The following GALNT13 variants were observed in gnomAD, a reference collection of about 807,000 sequenced individuals.
GALNT13 encodes the protein UDP-GalNAc:polypeptide N-acetylgalactosaminyltransferase 13.
Under a neutral mutation model 64.2 loss-of-function variants are expected in GALNT13, and 28 were observed. The observed-to-expected ratio is 0.44, with a 90% CI of 0.32 to 0.60. The LOEUF (loss-of-function observed/expected upper bound fraction) is 0.60. GALNT13 is among the 20% of genes least tolerant of loss of function. The pLI is 0.05. For synonymous variants in GALNT13, 214 were observed against 224.6 expected, an observed-to-expected ratio of 0.95 and a Z score of 0.42; for missense variants, 577 against 669.8, an observed-to-expected ratio of 0.86 and a Z score of 1.53.
chr2:153,546,827 T>A, the GALNT13 span, among the ~76,000 whole-genome samples: 1 of 152,228 alleles, frequency 6.6e-6, no homozygotes, highest in Non-Finnish European at 1.5e-5. Flanking sequence ...TTTTCCTAAG[T>A]CTTTTTGAAT....
chr2:153,166,319 T>C, the GALNT13 span, among the ~76,000 whole-genome samples: 2 of 152,198 alleles, frequency 1.3e-5, no homozygotes, highest in Non-Finnish European at 1.5e-5. Context: ...GGTTCTATCA[T>C]CCTGGCAGTA....
chr2:154,346,341 T>TGAA (rs1181940634), intron 9 of GALNT13, among the ~76,000 whole-genome samples: 4 of 152,078 alleles, frequency 2.6e-5, no homozygotes, highest in African/African-American at 9.7e-5. Context: ...TCTCACAGAC[T>TGAA]GAACCTTCTT....
At chr2:153,700,032 C>A in the GALNT13 span, among the ~76,000 whole-genome samples, 1 of 152,080 alleles carries the variant, frequency 6.6e-6, no homozygotes, top group Non-Finnish European at 1.5e-5. Flanking sequence ...GGCAGAGACA[C>A]AACAAAAAAC....
At chr2:153,850,168 G>C in the GALNT13 span, among the ~76,000 whole-genome samples, 2 of 129,836 alleles carry the variant, frequency 1.5e-5, no homozygotes, top group Non-Finnish European at 3.3e-5. Context: ...GACAGAGCGA[G>C]ACTCCGTCTA....
intron 4 of GALNT13, among the ~76,000 whole-genome samples, chr2:154,151,868 T>A (rs1198139514): frequency 6.6e-6 from 1 of 152,132 alleles, no homozygotes; most frequent in Non-Finnish European, 1.5e-5. Flanking sequence ...CACTGATGGG[T>A]CTTGACTCTT....
chr2:153,794,780 A>G, the GALNT13 span, among the ~76,000 whole-genome samples: 2 of 152,148 alleles, frequency 1.3e-5, no homozygotes, highest in Non-Finnish European at 2.9e-5. Flanking sequence ...TGGCCTCCCA[A>G]AGTGCTGGGA....
intron 3 of GALNT13, among the ~76,000 whole-genome samples, chr2:154,019,732 G>C (rs1357347605): frequency 8.0e-5 from 12 of 150,756 alleles, no homozygotes; most frequent in Admixed American, 7.3e-4. Flanking sequence ...TTAAGTTTTA[G>C]AGTACATGTG....
chr2:153,623,972 A>T, the GALNT13 span, among the ~76,000 whole-genome samples: 1 of 152,186 alleles, frequency 6.6e-6, no homozygotes, highest in South Asian at 2.1e-4. Flanking sequence ...TTGTTTAGAA[A>T]AGCACCTTCT....
intron 1 of GALNT13, among the ~76,000 whole-genome samples, chr2:153,881,141 C>T (rs112949160): frequency 0.015 from 2,224 of 152,262 alleles, 29 homozygotes; most frequent in African/African-American, 0.021. Context: ...TGCTTGGGCC[C>T]TGTGGTCAGT....
rs78519239 is a variant in GALNT13, at chr2:153,884,092, T to C, written c.-177+11789T>C. 6.0e-3 allele frequency among the ~76,000 whole-genome samples: 909 copies of C among 152,070 alleles called. 13 individuals carry two copies. Among genetic ancestry groups the C allele is most frequent in the African/African-American group, 0.02 (847 of 41,516 alleles). On this transcript the variant is annotated intron_variant, in intron 1 of 12. Transcript: ENST00000392825. ...TCACAAAATAGGAGTCAAGAGATAG[T>C]GTCTATAGTTAATATAAGAAATAGC...
At chr2:154,118,098 G>C (rs1681706347) in intron 3 of GALNT13, among the ~76,000 whole-genome samples, 2 of 152,080 alleles carry the variant, frequency 1.3e-5, no homozygotes, top group South Asian at 2.1e-4. Flanking sequence ...GTAGAGTATT[G>C]AAAGTAGGGC....
chr2:153,218,505 A>G, the GALNT13 span, among the ~76,000 whole-genome samples: 3 of 152,090 alleles, frequency 2.0e-5, no homozygotes, highest in African/African-American at 7.2e-5. Context: ...TTCCCATCCC[A>G]AGGCTATGGT....
intron 3 of GALNT13, among the ~76,000 whole-genome samples, chr2:154,051,749 TATAG>T (rs1171554240): frequency 1.3e-4 from 20 of 152,360 alleles, no homozygotes; most frequent in East Asian, 1.9e-4. Context: ...CATTATGATC[TATAG>T]ATACTTTCCT....
the GALNT13 span, among the ~76,000 whole-genome samples, chr2:153,734,570 G>A: frequency 8.5e-5 from 13 of 152,184 alleles, no homozygotes; most frequent in Admixed American, 5.9e-4. Flanking sequence ...TGGTACAAAC[G>A]TAATTGCAGG....
chr2:153,696,674 A>G, the GALNT13 span, among the ~76,000 whole-genome samples: 1 of 152,188 alleles, frequency 6.6e-6, no homozygotes, highest in African/African-American at 2.4e-5. Flanking sequence ...TCTCTTCTCT[A>G]TCAATCAAAA....
At chr2:153,439,366 G>A in the GALNT13 span, among the ~76,000 whole-genome samples, 6 of 152,266 alleles carry the variant, frequency 3.9e-5, no homozygotes, top group South Asian at 4.1e-4. Context: ...GGACATTTTC[G>A]TCTGCAGAGG....
chr2:153,127,955 C>T, the GALNT13 span, among the ~76,000 whole-genome samples: 1 of 152,132 alleles, frequency 6.6e-6, no homozygotes, highest in Non-Finnish European at 1.5e-5. Flanking sequence ...CTAGTGATTA[C>T]AATAGCCATA....
intron 7 of GALNT13, among the ~76,000 whole-genome samples, chr2:154,256,661 T>C (rs946168269): frequency 6.6e-6 from 1 of 152,114 alleles, no homozygotes; most frequent in South Asian, 2.1e-4. Context: ...AAAGATAAAT[T>C]ACCTACCCTT....
At chr2:154,273,063 G>A (rs1421377090) in intron 8 of GALNT13, among the ~76,000 whole-genome samples, 4 of 152,074 alleles carry the variant, frequency 2.6e-5, no homozygotes, top group Admixed American at 2.6e-4. Context: ...CCCTGGTCTC[G>A]GTTTCCTAGA....
Sources: allele counts gnomAD v4.1 joint callset (sites outside exome capture counted in the v4.1 genomes callset), GRCh38; gene constraint gnomAD v4.1.1; transcripts MANE v1.5; gene names NCBI Gene and HGNC (gene_info 2026-07-23, HGNC 2026-07-21).